The following CEP112 variants were observed in gnomAD, a reference collection of about 807,000 sequenced individuals.
CEP112 encodes the protein centrosomal protein 112.
In CEP112, 127 loss-of-function variants were observed where a neutral mutation model predicts 153.0. The observed-to-expected ratio is 0.83, with a 90% confidence interval of 0.72 to 0.96. The LOEUF (loss-of-function observed/expected upper bound fraction) is 0.96, where lower values mean the gene tolerates loss of function less well. Among genes scored for constraint, CEP112 ranks in the 40% least tolerant of loss-of-function variants. The probability of loss-of-function intolerance (pLI) is 0.00; values close to 1 mark genes in which losing one functional copy is unlikely to be tolerated. For missense variants in CEP112, 1,089 were observed against 1,101.2 expected (o/e 0.99, Z 0.16); for synonymous variants, 358 against 374.4 (o/e 0.96, Z 0.51).
intron 6 of CEP112, among the ~76,000 whole-genome samples, chr17:66,110,447 T>C (rs1008046180): frequency 2.0e-5 from 3 of 152,022 alleles, no homozygotes; most frequent in Admixed American, 6.5e-5. Flanking sequence ...AGTATACTTA[T>C]TTGATAATGT....
intron 21 of CEP112, among the ~76,000 whole-genome samples, chr17:65,807,794 G>A (rs1232480163): frequency 1.3e-5 from 2 of 152,258 alleles, no homozygotes; most frequent in Middle Eastern, 3.2e-3. Context: ...ATGCCTGAAT[G>A]TCCAGGCAGA....
intron 12 of CEP112, among the ~76,000 whole-genome samples, chr17:66,042,613 T>C (rs2066032438): frequency 6.6e-6 from 1 of 152,182 alleles, no homozygotes; most frequent in African/African-American, 2.4e-5. Flanking sequence ...AACAACTAAA[T>C]GTCATGTGGT....
intron 8 of CEP112, among the ~76,000 whole-genome samples, chr17:66,081,216 C>T (rs1598310321): frequency 6.6e-6 from 1 of 151,928 alleles, no homozygotes; most frequent in Non-Finnish European, 1.5e-5. Flanking sequence ...GTTTAGTTCT[C>T]TTCATATAAA....
chr17:66,020,730 A>G (rs1444731811), intron 16 of CEP112, among the ~76,000 whole-genome samples: 2 of 152,218 alleles, frequency 1.3e-5, no homozygotes, highest in African/African-American at 4.8e-5. Context: ...AGCAACAAAC[A>G]TTTGCCATTT....
intron 24 of CEP112, chr17:65,655,455 G>C: frequency 9.6e-7 from 1 of 1,037,194 alleles, no homozygotes; most frequent in Non-Finnish European, 1.5e-6. Flanking sequence ...TTTTGAATGG[G>C]CCACAGTGTT....
intron 20 of CEP112, among the ~76,000 whole-genome samples, chr17:65,891,009 T>C (rs1486083829): frequency 2.6e-5 from 4 of 152,186 alleles, no homozygotes; most frequent in Non-Finnish European, 4.4e-5. Context: ...TTATGACAGA[T>C]GCACAATGCC....
At chr17:65,653,403 GC>G (rs1308076344) in intron 24 of CEP112, among the ~76,000 whole-genome samples, 25 of 152,182 alleles carry the variant, frequency 1.6e-4, no homozygotes, top group African/African-American at 5.8e-4. Context: ...TGAATGTCTG[GC>G]TTAGCAGAAT....
intron 11 of CEP112, among the ~76,000 whole-genome samples, chr17:66,057,186 G>A (rs777567338): frequency 6.6e-6 from 1 of 152,188 alleles, no homozygotes; most frequent in Non-Finnish European, 1.5e-5. Context: ...ACAGACTGGA[G>A]GTAGAGGCCA....
intron 21 of CEP112, among the ~76,000 whole-genome samples, chr17:65,841,890 G>T (rs1014809812): frequency 7.3e-6 from 1 of 136,532 alleles, no homozygotes; most frequent in African/African-American, 2.5e-5. Context: ...CCTAAACTGT[G>T]TGTGTGTGTA....
At chr17:66,175,962 C>T (rs2072453673) in intron 3 of CEP112, among the ~76,000 whole-genome samples, 1 of 152,150 alleles carries the variant, frequency 6.6e-6, no homozygotes. Flanking sequence ...AGGCACTGTT[C>T]TTTAGGGAGG....
chr17:65,714,215 C>A lies in CEP112; in HGVS notation c.2608-24997G>T, dbSNP rs1354674603. 3.3e-5 allele frequency among the ~76,000 whole-genome samples: 5 copies of A among 152,238 alleles called. No homozygotes were observed. The South Asian group carries it at 1.0e-3, about 32-fold the overall frequency. ...GTAAACACACACACATATACATATACACGTGTGTATATGTGTATATATCTC... is the reference window on the plus strand; with the variant it reads ...GTAAACACACACACATATACATATAAACGTGTGTATATGTGTATATATCTC... On this transcript the variant is annotated intron_variant, in intron 23 of 26. Transcript: ENST00000535342.
In CEP112 at chr17:65,858,247, G is replaced by A. The variant is rs573846705; in HGVS notation, c.2164-6213C>T. Among the ~76,000 whole-genome samples, 94 of 151,920 alleles carry A rather than the reference G, an allele frequency of 6.2e-4. 2 individuals are homozygous for A. The highest frequency in any genetic ancestry group is 4.6e-3 in the South Asian group (22 of 4,816). On this transcript the variant is annotated intron_variant, in intron 20 of 26. Coordinates refer to ENST00000535342, the MANE Select transcript of CEP112 (RefSeq NM_001199165.4). ...GTTTGAGAGTATTTTTCTCTTTCTC[G>A]CTTCTCTGGAAAAGTTTGTAAAAGA... is the stretch of plus-strand genomic sequence containing the variant.
At chr17:65,750,792 A>G in intron 21 of CEP112, 68 bp from the exon 22 acceptor site, 1 of 1,415,576 alleles carries the variant, frequency 7.1e-7, no homozygotes, top group South Asian at 1.2e-5. Flanking sequence ...CCACATGCCT[A>G]TCACCAGGCA....
intron 21 of CEP112, among the ~76,000 whole-genome samples, chr17:65,849,715 T>C (rs933504219): frequency 1.3e-5 from 2 of 152,238 alleles, no homozygotes; most frequent in Non-Finnish European, 2.9e-5. Flanking sequence ...TACTTAGAAA[T>C]ACTTTGAACT....
At chr17:65,887,552 C>T (rs917622098) in intron 20 of CEP112, among the ~76,000 whole-genome samples, 3 of 152,182 alleles carry the variant, frequency 2.0e-5, no homozygotes, top group African/African-American at 4.8e-5. Flanking sequence ...CAAGCATACA[C>T]CTGTTTGTGT....
chr17:65,893,364 A>C lies in CEP112; in HGVS notation c.2163+8788T>G, dbSNP rs138607385. Among the ~76,000 whole-genome samples the C allele has an allele frequency of 3.3e-5, 5 of 152,250 alleles. No homozygotes were observed. The East Asian group carries it at 9.7e-4, about 29-fold the overall frequency. ...TACCTAAGCAAAACAAATAAAAATA[A>C]ACCAGAAAAATAACACATTTTCAAA... On this transcript the variant is annotated intron_variant, in intron 20 of 26. Coordinates refer to ENST00000535342, the MANE Select transcript of CEP112 (RefSeq NM_001199165.4).
rs189093796 is a variant in CEP112 at position 65,668,678 on chromosome 17, G to A, written c.2697+20451C>T. Among the ~76,000 whole-genome samples, 5 of 152,278 alleles carry A rather than the reference G, an allele frequency of 3.3e-5. No homozygotes were observed. The East Asian group carries it at 5.8e-4, about 18-fold the overall frequency. On this transcript the variant is annotated intron_variant, in intron 24 of 26. Transcript: ENST00000535342. Reference sequence around the variant, plus strand: ...TGAGGTACTTTCCCTTCTTTCCTGGGATGGAACAAGAAGTGTTTCCTTTCT... The same window carrying A: ...TGAGGTACTTTCCCTTCTTTCCTGGAATGGAACAAGAAGTGTTTCCTTTCT...
chr17:65,897,754 A>G (rs1300861753), intron 20 of CEP112, among the ~76,000 whole-genome samples: 1 of 152,120 alleles, frequency 6.6e-6, no homozygotes, highest in Non-Finnish European at 1.5e-5. Context: ...AATAAAATCT[A>G]GTAATTACAT....
intron 6 of CEP112, among the ~76,000 whole-genome samples, chr17:66,110,370 T>C (rs1204114549): frequency 6.6e-6 from 1 of 151,224 alleles, no homozygotes; most frequent in Non-Finnish European, 1.5e-5. Context: ...AAAGAAAAGA[T>C]ACAATAAAAC....
Sources: gnomAD v4.1 joint callset for allele counts (sites outside exome capture counted in the v4.1 genomes callset) on GRCh38, gnomAD v4.1.1 for gene constraint, MANE v1.5 for transcripts, NCBI Gene and HGNC (gene_info 2026-07-23, HGNC 2026-07-21) for gene names.